ATRNL1: variants seen among roughly 807,000 people sequenced by gnomAD.
The protein encoded by ATRNL1 is attractin-like protein 1.
Under a neutral mutation model 182.7 loss-of-function variants are expected in ATRNL1, and 95 were observed. The observed-to-expected ratio is 0.52, with a 90% CI of 0.44 to 0.62. The LOEUF is 0.62. ATRNL1 is among the 20% of genes least tolerant of loss of function. The pLI is 0.00. For synonymous variants in ATRNL1, 576 were observed against 568.3 expected, an observed-to-expected ratio of 1.01 and a Z score of -0.19; for missense variants, 1,471 against 1,679.5, an observed-to-expected ratio of 0.88 and a Z score of 2.17.
intron 26 of ATRNL1, among the ~76,000 whole-genome samples, chr10:115,616,295 G>A (rs532947061): frequency 1.1e-4 from 17 of 152,256 alleles, no homozygotes; most frequent in African/African-American, 2.6e-4. Context: ...AAGTTGTGGC[G>A]TGGCTGCAGC....
intron 27 of ATRNL1, among the ~76,000 whole-genome samples, chr10:115,781,575 G>C (rs1949266631): frequency 6.6e-6 from 1 of 152,154 alleles, no homozygotes; most frequent in Non-Finnish European, 1.5e-5. Flanking sequence ...CACTAAAAGA[G>C]TATCCTACTT....
At chr10:115,801,616 A>G (rs1361547297) in intron 27 of ATRNL1, among the ~76,000 whole-genome samples, 1 of 139,328 alleles carries the variant, frequency 7.2e-6, no homozygotes, top group Non-Finnish European at 1.6e-5. Flanking sequence ...ATTGGTTGCA[A>G]ACCAAAATGA....
At chr10:115,636,422 G>A (rs1201142802) in intron 26 of ATRNL1, among the ~76,000 whole-genome samples, 4 of 152,024 alleles carry the variant, frequency 2.6e-5, no homozygotes, top group Admixed American at 1.3e-4. Flanking sequence ...GGCACCAAAT[G>A]TACTGTAAGA....
chr10:115,314,258 T>G (rs1554928865), intron 17 of ATRNL1, among the ~76,000 whole-genome samples: 1 of 152,186 alleles, frequency 6.6e-6, no homozygotes, highest in Admixed American at 6.5e-5. Context: ...ATGAGATCCT[T>G]ACCTCTCAAA....
At chr10:115,336,027 A>G (rs1855464488) in intron 19 of ATRNL1, among the ~76,000 whole-genome samples, 1 of 152,162 alleles carries the variant, frequency 6.6e-6, no homozygotes, top group Non-Finnish European at 1.5e-5. Flanking sequence ...AACATTTTTT[A>G]TATCCTAGGC....
intron 27 of ATRNL1, among the ~76,000 whole-genome samples, chr10:115,763,515 G>A (rs1041892683): frequency 2.0e-5 from 3 of 152,186 alleles, no homozygotes; most frequent in Admixed American, 2.0e-4. Flanking sequence ...TTCCATTCAA[G>A]AGGGAACATG....
chr10:115,862,055 C>A (rs1357364219), intron 28 of ATRNL1, among the ~76,000 whole-genome samples: 1 of 152,172 alleles, frequency 6.6e-6, no homozygotes, highest in Admixed American at 6.5e-5. Context: ...ACTCACCAGA[C>A]TCTGCTTCTG....
At chr10:115,786,864 C>T (rs1358195924) in intron 27 of ATRNL1, among the ~76,000 whole-genome samples, 2 of 151,966 alleles carry the variant, frequency 1.3e-5, no homozygotes, top group Non-Finnish European at 2.9e-5. Flanking sequence ...TATGTTAAAC[C>T]TTTATTATGT....
chr10:115,289,477 T>C (rs1554920168), intron 15 of ATRNL1, among the ~76,000 whole-genome samples: 3 of 152,218 alleles, frequency 2.0e-5, no homozygotes, highest in African/African-American at 7.2e-5. Context: ...CCTGAAGTTT[T>C]TTCATATGTT....
chr10:115,491,587 G>C (rs1481906383), intron 24 of ATRNL1, among the ~76,000 whole-genome samples: 1 of 152,076 alleles, frequency 6.6e-6, no homozygotes, highest in Non-Finnish European at 1.5e-5. Context: ...AGTGGTGGAC[G>C]CCACTCCCCC....
intron 27 of ATRNL1, among the ~76,000 whole-genome samples, chr10:115,753,856 A>G (rs1948514342): frequency 1.3e-5 from 2 of 152,118 alleles, no homozygotes. Flanking sequence ...TGACTTTTTA[A>G]TGATCGCCAT....
Position 115,268,444 on chromosome 10 carries a change from G to A in ATRNL1, c.2100G>A (p.Met700Ile). 6.3e-7 allele frequency: 1 copy of A among 1,581,538 alleles called. No homozygotes were observed. Among genetic ancestry groups the A allele is most frequent in the Non-Finnish European group, 8.7e-7 (1 of 1,150,522 alleles). Reference protein sequence around the residue: ...KCISANSNCSMSVKNYTKCHV... With the variant: ...KCISANSNCSISVKNYTKCHV... ...TTTCGGCAAATAGTAACTGCAGTATGGTTAGTATTTATGGGTAAATGGTGC... is the reference window on the plus strand; with the variant it reads ...TTTCGGCAAATAGTAACTGCAGTATAGTTAGTATTTATGGGTAAATGGTGC... Residue 700 changes from methionine (M) to isoleucine (I), a missense_variant and splice_region_variant, in exon 13 of 29, where the codon ATG (methionine) becomes ATA (isoleucine). Around this residue, in one of 3 missense-constraint regions of ATRNL1, gnomAD observed 1,031 missense variants for 1,156.0 expected, o/e 0.89. Transcript: ENST00000355044.
At chr10:115,678,921 C>T (rs78473631) in intron 26 of ATRNL1, among the ~76,000 whole-genome samples, 5,890 of 152,170 alleles carry the variant, frequency 0.039, 384 homozygotes, top group African/African-American at 0.13. Context: ...TATCTCCTCA[C>T]TCCAAACCCA....
intron 1 of ATRNL1, among the ~76,000 whole-genome samples, chr10:115,107,668 G>T (rs1844074845): frequency 6.6e-6 from 1 of 152,242 alleles, no homozygotes; most frequent in Non-Finnish European, 1.5e-5. Context: ...TGAGTCTGCT[G>T]CTGTAGCATC....
chr10:115,236,890 G>A (rs1850209366), intron 9 of ATRNL1, among the ~76,000 whole-genome samples: 2 of 152,082 alleles, frequency 1.3e-5, no homozygotes, highest in African/African-American at 4.8e-5. Flanking sequence ...AATAACCTGT[G>A]ATCCTCTTGC....
intron 26 of ATRNL1, among the ~76,000 whole-genome samples, chr10:115,664,267 C>A (rs7907151): frequency 0.075 from 11,429 of 152,092 alleles, 1,344 homozygotes; most frequent in African/African-American, 0.26. Flanking sequence ...ATATTCAGAA[C>A]GTGTGTTTTA....
At chr10:115,485,527 C>T (rs913076053) in intron 24 of ATRNL1, among the ~76,000 whole-genome samples, 7 of 151,960 alleles carry the variant, frequency 4.6e-5, no homozygotes, top group Admixed American at 1.3e-4. Context: ...TTTGAGAATA[C>T]AACATATTAT....
intron 27 of ATRNL1, among the ~76,000 whole-genome samples, chr10:115,777,340 T>G (rs1949152535): frequency 6.6e-6 from 1 of 152,170 alleles, no homozygotes; most frequent in South Asian, 2.1e-4. Context: ...TTATATAGCT[T>G]CATTTCCTTG....
chr10:115,712,071 A>G (rs955329868), intron 26 of ATRNL1, among the ~76,000 whole-genome samples: 1 of 152,206 alleles, frequency 6.6e-6, no homozygotes, highest in Non-Finnish European at 1.5e-5. Context: ...ACATTCTTCA[A>G]TATTAGTCTC....
Sources: allele counts gnomAD v4.1 joint callset (sites outside exome capture counted in the v4.1 genomes callset), GRCh38; gene constraint gnomAD v4.1.1; regional missense constraint gnomAD v4.1.1; transcripts MANE v1.5; gene names NCBI Gene and HGNC (gene_info 2026-07-23, HGNC 2026-07-21).